ANKAR: variants seen among roughly 807,000 people sequenced by gnomAD.
ANKAR encodes the protein ankyrin and armadillo repeat-containing protein.
ANKAR carries 136 observed loss-of-function variants against 146.2 expected under a neutral mutation model. The observed-to-expected ratio is 0.93, with a 90% CI of 0.81 to 1.07. The LOEUF (loss-of-function observed/expected upper bound fraction) is 1.07. Among genes scored for constraint, ANKAR ranks in the 50% least tolerant of loss-of-function variants. ANKAR has a pLI of 0.00. For synonymous variants in ANKAR, 500 were observed against 575.8 expected (o/e 0.87, Z 1.88); for missense variants, 1,567 against 1,679.9 (o/e 0.93, Z 1.18).
chr2:189,724,459 G>A (rs894126891), intron 12 of ANKAR, among the ~76,000 whole-genome samples: 2 of 151,986 alleles, frequency 1.3e-5, no homozygotes, highest in Non-Finnish European at 2.9e-5. Flanking sequence ...AAGTAATATT[G>A]AACTTATTGC....
At chr2:189,709,094 G>A (rs186802778) in intron 9 of ANKAR, among the ~76,000 whole-genome samples, 24 of 125,084 alleles carry the variant, frequency 1.9e-4, no homozygotes, top group Admixed American at 1.9e-3. Flanking sequence ...GCGAGACTTC[G>A]TCTCAAAATA....
chr2:189,762,637 A>T, downstream of ANKAR: 2 of 985,446 alleles, frequency 2.0e-6, no homozygotes, highest in South Asian at 9.4e-5. Context: ...CCGCTTTTCC[A>T]GGTGCGCAAA....
At chr2:189,741,700 A>G (rs1207308826) in intron 20 of ANKAR, among the ~76,000 whole-genome samples, 2 of 152,184 alleles carry the variant, frequency 1.3e-5, no homozygotes, top group East Asian at 3.8e-4. Context: ...TTCCTATAAA[A>G]ATATACATTT....
chr2:189,675,091 T>G (rs1465931825), intron 1 of ANKAR, among the ~76,000 whole-genome samples: 1 of 152,212 alleles, frequency 6.6e-6, no homozygotes, highest in African/African-American at 2.4e-5. Context: ...GTAACTTTAC[T>G]AAAACGCATA....
At chr2:189,697,253 C>G (rs1319824368) in intron 7 of ANKAR, among the ~76,000 whole-genome samples, 1 of 151,684 alleles carries the variant, frequency 6.6e-6, no homozygotes, top group African/African-American at 2.4e-5. Context: ...AAAAACTTAG[C>G]CAGGCTTGGT....
At chr2:189,747,696 T>C (rs552270156), downstream of ANKAR, among the ~76,000 whole-genome samples, 10 of 152,006 alleles carry the variant, frequency 6.6e-5, no homozygotes, top group East Asian at 1.2e-3. Flanking sequence ...TACTTACTTA[T>C]TTATTTATTT....
intron 6 of ANKAR, among the ~76,000 whole-genome samples, chr2:189,695,380 C>G (rs576854815): frequency 2.0e-5 from 3 of 152,250 alleles, no homozygotes; most frequent in Non-Finnish European, 4.4e-5. Flanking sequence ...ATCTCAATAA[C>G]GGCTTATACG....
intron 2 of ANKAR, among the ~76,000 whole-genome samples, chr2:189,685,072 C>A (rs1195707517): frequency 2.0e-5 from 3 of 151,944 alleles, no homozygotes; most frequent in Admixed American, 6.6e-5. Context: ...GTGGCATGAT[C>A]TCAGCTCATT....
downstream of ANKAR, chr2:189,762,891 A>G (rs1472801353): frequency 3.0e-6 from 3 of 985,314 alleles, no homozygotes; most frequent in East Asian, 1.1e-4. Context: ...TCTTTGCCCA[A>G]AACGCTCTCT....
In ANKAR at chr2:189,689,541, A is replaced by G. The variant is rs144939402; in HGVS notation, c.616A>G (p.Thr206Ala). The stretch of plus-strand genomic sequence containing the variant: ...TTATCATGAAGGTTTGACTGATATT[A>G]CAAAGGATCCAGACTTTAATGAAAT... ...EFSSAGLTDITKDPDFNEIYD... is the reference protein window; with the variant it reads ...EFSSAGLTDIAKDPDFNEIYD... Residue 206 changes from threonine (T) to alanine (A), a missense_variant, in exon 3 of 23, where the codon ACA becomes GCA. Physicochemically the swap from Thr to Ala is moderately conservative, Grantham distance 58. Transcript: ENST00000684021. 1,742 of 1,577,898 alleles carry G rather than the reference A, an allele frequency of 1.1e-3. 28 individuals carry two copies. In the African/African-American group the frequency reaches 0.021, roughly 19 times the overall value.
At position 189,707,260 on chromosome 2, in the gene ANKAR, A is replaced by G. The variant is rs116343726; in HGVS notation, c.2119+114A>G. ...TGCATTATATTTTAAATATTTAAAA[A>G]TCATGAAATAAACATTTTATTAAGA... is the stretch of plus-strand genomic sequence containing the variant. On this transcript the variant is annotated intron_variant, in intron 9 of 22. Transcript: ENST00000684021. 3,766 of 513,832 alleles carry G rather than the reference A, an allele frequency of 7.3e-3. 111 individuals carry two copies. The highest frequency in any genetic ancestry group is 0.064 in the African/African-American group (3,227 of 50,284). The allele number at this position is 513,832 out of a possible 1,614,324, so 31.8% of individuals were successfully genotyped here. A position where few individuals can be genotyped will look rare whatever the true frequency, so the allele number is the denominator to read the frequency against.
At position 189,713,520 on chromosome 2, in the gene ANKAR, A is replaced by AT. The variant is rs574978157; in HGVS notation, c.2224+2368dup. 9.4e-4 allele frequency among the ~76,000 whole-genome samples: 143 copies of AT among 152,336 alleles called. 1 individual carries two copies. Among genetic ancestry groups the AT allele is most frequent in the Middle Eastern group, 3.4e-3 (1 of 294 alleles). On this transcript the variant is annotated intron_variant, in intron 10 of 22. Coordinates refer to ENST00000684021, the MANE Select transcript of ANKAR (RefSeq NM_001378068.1). Reference sequence around the variant, plus strand: ...TTCATATCCAGCCAAACTAAGCTTCATAAGTGAAGGAGAAATAAAATCCTT... The same window carrying AT: ...TTCATATCCAGCCAAACTAAGCTTCATTAAGTGAAGGAGAAATAAAATCCTT...
At chr2:189,728,906 T>C in intron 15 of ANKAR, 85 bp downstream of exon 15, 1 of 1,307,264 alleles carries the variant, frequency 7.6e-7, no homozygotes. Flanking sequence ...TCTCTCTTCC[T>C]CTCTATCCCC....
At chr2:189,716,025 G>A (rs2040417533) in intron 10 of ANKAR, among the ~76,000 whole-genome samples, 1 of 152,182 alleles carries the variant, frequency 6.6e-6, no homozygotes, top group African/African-American at 2.4e-5. Context: ...CTGAAAACTG[G>A]CACAAGACAG....
At chr2:189,731,405 G>A (rs1156935615) in intron 16 of ANKAR, among the ~76,000 whole-genome samples, 3 of 128,072 alleles carry the variant, frequency 2.3e-5, no homozygotes, top group African/African-American at 6.0e-5. Flanking sequence ...ACAGAATCTC[G>A]CTCTGTTGCC....
intron 18 of ANKAR, chr2:189,754,687 T>TTTTGTTTG (rs541427954): frequency 1.9e-5 from 5 of 260,424 alleles, no homozygotes; most frequent in African/African-American, 1.2e-4. Context: ...GGAAGCAGTG[T>TTTTGTTTG]TTTGTTTGTT....
At position 189,689,880 on chromosome 2, in the gene ANKAR, A is replaced by G; in HGVS notation, c.955A>G (p.Ile319Val). The G allele has an allele frequency of 1.3e-6, 2 of 1,585,726 alleles. No homozygotes were observed. The highest frequency in any genetic ancestry group is 1.7e-4 in the Middle Eastern group (1 of 5,902). ...AAGAGGGATAGGATACCTAAAGTTA[A>G]TATGTTTTCTGATTCCATTTCTACT... ...IRRGIGYLKL[I>V]CFLIPFLLSL... The change falls in exon 3 of 23, where the codon ATA (isoleucine) becomes GTA (valine). Residue 319 changes from isoleucine (I) to valine (V), a missense_variant. Coordinates refer to ENST00000684021, the MANE Select transcript of ANKAR (RefSeq NM_001378068.1).
chr2:189,740,432 C>T (rs1252592140), intron 19 of ANKAR, among the ~76,000 whole-genome samples: 4 of 152,122 alleles, frequency 2.6e-5, no homozygotes, highest in Admixed American at 6.6e-5. Flanking sequence ...CAAAAACTCA[C>T]GTCATATCTC....
intron 10 of ANKAR, among the ~76,000 whole-genome samples, chr2:189,715,474 G>A (rs1275186079): frequency 1.3e-5 from 2 of 152,130 alleles, no homozygotes; most frequent in Non-Finnish European, 2.9e-5. Flanking sequence ...AGAAGTTCAG[G>A]ACCAGACGGA....
Sources: allele counts gnomAD v4.1 joint callset (sites outside exome capture counted in the v4.1 genomes callset), GRCh38; gene constraint gnomAD v4.1.1; transcripts MANE v1.5; gene names NCBI Gene and HGNC (gene_info 2026-07-23, HGNC 2026-07-21).